Variants in POU6F2 observed in about 807,000 individuals in gnomAD.
The protein encoded by POU6F2 is POU class 6 homeobox 2.
In POU6F2, 31 loss-of-function variants were observed where a neutral mutation model predicts 71.3. That is an observed-to-expected ratio of 0.43 (90% confidence interval 0.33 to 0.59). POU6F2 has a LOEUF of 0.59. POU6F2 is among the 20% of genes least tolerant of loss of function. The probability of loss-of-function intolerance (pLI) is 0.04; values close to 1 mark genes in which losing one functional copy is unlikely to be tolerated. For synonymous variants in POU6F2, 347 were observed against 355.7 expected (o/e 0.98, Z 0.27); for missense variants, 783 against 856.8 (o/e 0.91, Z 1.07).
intron 4 of POU6F2, among the ~76,000 whole-genome samples, chr7:39,260,376 C>A (rs1784111146): frequency 6.7e-6 from 1 of 150,028 alleles, no homozygotes; most frequent in South Asian, 2.1e-4. Flanking sequence ...CACACACATT[C>A]CATACCTTGC....
intron 2 of POU6F2, among the ~76,000 whole-genome samples, chr7:39,195,025 A>T (rs1027518633): frequency 6.6e-5 from 10 of 152,210 alleles, no homozygotes; most frequent in Admixed American, 5.2e-4. Context: ...CCGCGGTTTC[A>T]TTCTTGAAGT....
chr7:39,284,948 A>G (rs1387198299), intron 4 of POU6F2, among the ~76,000 whole-genome samples: 2 of 152,188 alleles, frequency 1.3e-5, no homozygotes, highest in Non-Finnish European at 2.9e-5. Flanking sequence ...CGTAGGATCC[A>G]CAAGAAGGCT....
chr7:39,386,494 G>C (rs1223639999), intron 5 of POU6F2, among the ~76,000 whole-genome samples: 1 of 152,184 alleles, frequency 6.6e-6, no homozygotes, highest in Non-Finnish European at 1.5e-5. Flanking sequence ...CAGTCACAGT[G>C]AGATGAGAGA....
intron 7 of POU6F2, among the ~76,000 whole-genome samples, chr7:39,439,614 C>T (rs1412566648): frequency 3.9e-5 from 6 of 152,128 alleles, no homozygotes; most frequent in Admixed American, 3.3e-4. Context: ...CTCAGCCTCC[C>T]GAGTAGCTGG....
At chr7:39,415,617 A>G (rs190245237) in intron 6 of POU6F2, among the ~76,000 whole-genome samples, 1 of 152,222 alleles carries the variant, frequency 6.6e-6, no homozygotes, top group African/African-American at 2.4e-5. Flanking sequence ...TACTGTAACG[A>G]ATGTTCACAT....
intron 2 of POU6F2, among the ~76,000 whole-genome samples, chr7:39,184,610 G>C (rs1267268496): frequency 1.3e-5 from 2 of 152,196 alleles, no homozygotes; most frequent in East Asian, 3.9e-4. Flanking sequence ...CAAGGCAACA[G>C]TTTGCTGAAG....
intron 1 of POU6F2, among the ~76,000 whole-genome samples, chr7:39,066,980 T>C (rs1473058581): frequency 6.8e-6 from 1 of 147,972 alleles, no homozygotes; most frequent in East Asian, 1.9e-4. Flanking sequence ...TCATCATATA[T>C]ATGCATTGTA....
At chr7:39,073,401 T>C (rs1790928949) in intron 1 of POU6F2, among the ~76,000 whole-genome samples, 1 of 148,542 alleles carries the variant, frequency 6.7e-6, no homozygotes, top group South Asian at 2.1e-4. Flanking sequence ...AAAAACCTTC[T>C]AGTTCATGTT....
chr7:39,106,599 ACTC>A (rs1293873167), intron 2 of POU6F2, among the ~76,000 whole-genome samples: 1 of 152,154 alleles, frequency 6.6e-6, no homozygotes, highest in Non-Finnish European at 1.5e-5. Context: ...ATTAAATTAA[ACTC>A]CTATTATTGG....
At chr7:39,356,649 A>G (rs930980167) in intron 5 of POU6F2, among the ~76,000 whole-genome samples, 1 of 152,228 alleles carries the variant, frequency 6.6e-6, no homozygotes, top group Non-Finnish European at 1.5e-5. Context: ...ACAATTATTC[A>G]TGTCACAAAT....
rs183758988 is a variant in POU6F2 at position 39,429,078 on chromosome 7, A to G, written c.1114-3999A>G. On this transcript the variant is annotated intron_variant, in intron 6 of 9. Coordinates refer to ENST00000518318, the MANE Select transcript of POU6F2 (RefSeq NM_001370959.1). ...TGTATACAATGTTAGAAACCTGCAC[A>G]TTGTGCACATGTACCCTAGAACTTA... Among the ~76,000 whole-genome samples, 566 of 150,522 alleles carry G rather than the reference A, an allele frequency of 3.8e-3. 4 individuals carry two copies. Among genetic ancestry groups the G allele is most frequent in the African/African-American group, 0.013 (516 of 40,914 alleles).
At chr7:39,319,160 T>G (rs560352251) in intron 4 of POU6F2, among the ~76,000 whole-genome samples, 109 of 152,266 alleles carry the variant, frequency 7.2e-4, no homozygotes, top group African/African-American at 2.6e-3. Flanking sequence ...CCAATTTGAT[T>G]TGAGGTTTCA....
intron 1 of POU6F2, among the ~76,000 whole-genome samples, chr7:39,025,815 C>G (rs1425524814): frequency 6.6e-6 from 1 of 150,822 alleles, no homozygotes; most frequent in East Asian, 2.0e-4. Context: ...AACAGGCAAC[C>G]TACAAAATGG....
intron 6 of POU6F2, among the ~76,000 whole-genome samples, chr7:39,428,835 A>G (rs557903982): frequency 1.3e-4 from 20 of 151,842 alleles, no homozygotes; most frequent in Non-Finnish European, 2.2e-4. Flanking sequence ...TGAAGCTGGA[A>G]ACCATCATTC....
intron 2 of POU6F2, among the ~76,000 whole-genome samples, chr7:39,094,995 G>A (rs1231853108): frequency 6.6e-6 from 1 of 152,104 alleles, no homozygotes; most frequent in African/African-American, 2.4e-5. Flanking sequence ...AAGGACGCTT[G>A]CTATTTGCAA....
At chr7:39,299,199 A>AATTAAG (rs1784908341) in intron 4 of POU6F2, among the ~76,000 whole-genome samples, 1 of 152,326 alleles carries the variant, frequency 6.6e-6, no homozygotes, top group African/African-American at 2.4e-5. Flanking sequence ...TTAAAATTAA[A>AATTAAG]TTAAATTTTA....
intron 4 of POU6F2, among the ~76,000 whole-genome samples, chr7:39,258,712 A>AAAGAAG (rs201493576): frequency 6.6e-6 from 1 of 151,718 alleles, no homozygotes; most frequent in Non-Finnish European, 1.5e-5. Flanking sequence ...AAAAAAAAAA[A>AAAGAAG]AAGAAGAAGA....
intron 4 of POU6F2, among the ~76,000 whole-genome samples, chr7:39,210,700 C>G (rs1297373739): frequency 6.6e-6 from 1 of 152,106 alleles, no homozygotes; most frequent in Non-Finnish European, 1.5e-5. Flanking sequence ...ATCAATGTCT[C>G]CTGGGAGCTT....
chr7:39,169,378 C>T lies in POU6F2; in HGVS notation c.278-34857C>T, dbSNP rs1584579910. Among the ~76,000 whole-genome samples the T allele has an allele frequency of 2.6e-5, 4 of 152,264 alleles. No homozygotes were observed. The East Asian group carries it at 5.8e-4, about 22-fold the overall frequency. On this transcript the variant is annotated intron_variant, in intron 2 of 9. Coordinates refer to ENST00000518318, the MANE Select transcript of POU6F2 (RefSeq NM_001370959.1). ...AGTCTTTGGGAGAAGAACTGTTAGG[C>T]TTGTTAAGCCTGTGCGTGAACTGCA...
Sources: gnomAD v4.1 joint callset for allele counts (sites outside exome capture counted in the v4.1 genomes callset) on GRCh38, gnomAD v4.1.1 for gene constraint, MANE v1.5 for transcripts, NCBI Gene and HGNC (gene_info 2026-07-23, HGNC 2026-07-21) for gene names.